The following NIPAL2 variants were observed in gnomAD, a reference collection of about 807,000 sequenced individuals.
The protein encoded by NIPAL2 is NIPA-like protein 2.
In NIPAL2, 43 loss-of-function variants were observed where a neutral mutation model predicts 48.9. The observed-to-expected ratio is 0.88, with a 90% CI of 0.69 to 1.13. The LOEUF is 1.13. NIPAL2 is among the 50% of genes most tolerant of loss of function. The pLI, the probability that NIPAL2 is intolerant of heterozygous loss-of-function variation, is 0.00. For missense variants in NIPAL2, 446 were observed against 461.4 expected, an observed-to-expected ratio of 0.97 and a Z score of 0.31; for synonymous variants, 167 against 174.6, an observed-to-expected ratio of 0.96 and a Z score of 0.34.
intron 1 of NIPAL2, among the ~76,000 whole-genome samples, chr8:98,277,508 G>A (rs1347500866): frequency 1.3e-5 from 2 of 152,052 alleles, no homozygotes; most frequent in Non-Finnish European, 2.9e-5. Context: ...TTGCACTCCA[G>A]CCTGGGCGAC....
chr8:98,193,178 A>C, intron 10 of NIPAL2, 88 bp from the exon 11 acceptor site: 3 of 1,159,350 alleles, frequency 2.6e-6, no homozygotes, highest in Non-Finnish European at 3.9e-6. Flanking sequence ...GCCACATTTT[A>C]TCACCTCTCT....
intron 4 of NIPAL2, among the ~76,000 whole-genome samples, chr8:98,224,034 A>G (rs968864814): frequency 6.6e-6 from 1 of 152,204 alleles, no homozygotes; most frequent in Non-Finnish European, 1.5e-5. Context: ...TGTCTCAGAT[A>G]CTTCTGTTTC....
Position 98,190,362 on chromosome 8 carries a change from G to A in NIPAL2, c.*2616C>T, listed in dbSNP as rs111855435. The stretch of plus-strand genomic sequence containing the variant: ...GTTTTTGAGACAGTCTTACTCTGTC[G>A]CCCAGGCTGGAGTGCAATGGCATGA... On this transcript the variant is annotated 3_prime_UTR_variant, in exon 11 of 11. Coordinates refer to ENST00000430223, the MANE Select transcript of NIPAL2 (RefSeq NM_001321635.2). The A allele has an allele frequency of 1.4e-3, 217 of 157,614 alleles. No individual in the cohort carries two copies. The highest frequency in any genetic ancestry group is 4.9e-3 in the African/African-American group (205 of 41,606). The allele number at this position is 157,614 out of a possible 1,614,324, so 9.8% of individuals were successfully genotyped here. A position where few individuals can be genotyped will look rare whatever the true frequency, so the allele number is the denominator to read the frequency against.
chr8:98,292,982 C>T (rs991717611), intron 1 of NIPAL2, among the ~76,000 whole-genome samples: 2 of 151,990 alleles, frequency 1.3e-5, no homozygotes, highest in African/African-American at 4.8e-5. Flanking sequence ...AATACTCTCC[C>T]CTCTTGAAAA....
At chr8:98,220,408 A>ATT (rs71273110) in intron 5 of NIPAL2, among the ~76,000 whole-genome samples, 1,726 of 140,836 alleles carry the variant, frequency 0.012, 32 homozygotes, top group African/African-American at 0.041. Flanking sequence ...GTGTGCTTTG[A>ATT]TTTTTTTTTT....
intron 3 of NIPAL2, among the ~76,000 whole-genome samples, chr8:98,247,236 C>G (rs1813354110): frequency 6.6e-6 from 1 of 152,278 alleles, no homozygotes. Context: ...ACGGAACATC[C>G]TATCCTTGTT....
At chr8:98,200,760 T>C (rs185909202) in intron 8 of NIPAL2, among the ~76,000 whole-genome samples, 15 of 152,338 alleles carry the variant, frequency 9.8e-5, no homozygotes, top group Admixed American at 3.3e-4. Flanking sequence ...AAAGTTCCAG[T>C]TGATCCACAT....
intron 5 of NIPAL2, among the ~76,000 whole-genome samples, chr8:98,214,735 T>C (rs1300399980): frequency 6.6e-6 from 1 of 152,200 alleles, no homozygotes; most frequent in Non-Finnish European, 1.5e-5. Context: ...CTTATCTTCC[T>C]CATTTAAAAA....
At chr8:98,291,039 CTG>C in intron 1 of NIPAL2, among the ~76,000 whole-genome samples, 1 of 152,164 alleles carries the variant, frequency 6.6e-6, no homozygotes, top group Non-Finnish European at 1.5e-5. Flanking sequence ...AGTTTGAAAA[CTG>C]AATCCTGCTA....
intron 4 of NIPAL2, among the ~76,000 whole-genome samples, chr8:98,232,340 G>C (rs1812478262): frequency 6.6e-6 from 1 of 152,250 alleles, no homozygotes; most frequent in African/African-American, 2.4e-5. Context: ...AAAGCATTAA[G>C]TTAGGTAGGA....
chr8:98,212,340 T>C, intron 6 of NIPAL2, 65 bp downstream of exon 6: 1 of 877,110 alleles, frequency 1.1e-6, no homozygotes, highest in South Asian at 1.5e-5. Context: ...AGTATTTTCC[T>C]TCAAACCTCA....
chr8:98,190,151 A>G lies in NIPAL2; in HGVS notation c.*2827T>C, dbSNP rs1243767872. On this transcript the variant is annotated 3_prime_UTR_variant, in exon 11 of 11. Coordinates refer to ENST00000430223, the MANE Select transcript of NIPAL2 (RefSeq NM_001321635.2). ...AATATCTGAAGGCAAATATCAAGCC[A>G]TGTTTCCACACTCCCAAAGTATCTC... 2.0e-5 allele frequency: 3 copies of G among 152,196 alleles called. No individual in the cohort carries two copies. The highest frequency in any genetic ancestry group is 4.4e-5 in the Non-Finnish European group (3 of 68,028). 9.4% of individuals were successfully genotyped at this position (152,196 alleles called of 1,614,324 possible).
chr8:98,285,585 G>A (rs370591423), intron 1 of NIPAL2, among the ~76,000 whole-genome samples: 1 of 152,210 alleles, frequency 6.6e-6, no homozygotes, highest in Non-Finnish European at 1.5e-5. Context: ...AGTTGAAAAT[G>A]AGAGTGAGGA....
intron 4 of NIPAL2, among the ~76,000 whole-genome samples, chr8:98,234,779 T>C (rs1812626379): frequency 6.6e-6 from 1 of 151,534 alleles, no homozygotes; most frequent in South Asian, 2.1e-4. Context: ...CTCGAACTCC[T>C]GGACTCAAGC....
Position 98,222,558 on chromosome 8 carries a change from A to C in NIPAL2, c.479T>G (p.Phe160Cys), listed in dbSNP as rs766099023. 5 of 1,614,060 alleles carry C rather than the reference A, an allele frequency of 3.1e-6. No individual in the cohort carries two copies. The highest frequency in any genetic ancestry group is 1.6e-4 in the Middle Eastern group (1 of 6,062). Residue 160 changes from phenylalanine to cysteine, a missense_variant, in exon 5 of 11, where the codon TTT (phenylalanine) becomes TGT (cysteine). Coordinates refer to ENST00000430223, the MANE Select transcript of NIPAL2 (RefSeq NM_001321635.2). Reference sequence around the variant, plus strand: ...GATTGCCTGAGTTATATTTGGAGCAAAGTTCACCAGTAAATATGTTCCTGC... The same window carrying C: ...GATTGCCTGAGTTATATTTGGAGCACAGTTCACCAGTAAATATGTTCCTGC... ...AFAGTYLLVNFAPNITQAISA... is the reference protein window; with the variant it reads ...AFAGTYLLVNCAPNITQAISA...
rs1239498515 is a variant in NIPAL2 at position 98,265,244 on chromosome 8, C to A, written c.136-11157G>T. On this transcript the variant is annotated intron_variant, in intron 1 of 10. Transcript: ENST00000430223. ...GGGCAAGGACTTCAGGTCTAAAACA[C>A]CAAAAGCAATGGCAACAAAAGCCAA... Among the ~76,000 whole-genome samples the A allele has an allele frequency of 2.5e-4, 38 of 151,630 alleles. 1 individual carries two copies. The highest frequency in any genetic ancestry group is 2.4e-3 in the Admixed American group (37 of 15,250).
chr8:98,202,288 T>C (rs909746326), intron 8 of NIPAL2, among the ~76,000 whole-genome samples: 12 of 152,122 alleles, frequency 7.9e-5, no homozygotes, highest in Admixed American at 6.5e-4. Context: ...GTGAGGGGCA[T>C]ATAGGGAAGA....
At position 98,233,272 on chromosome 8, in the gene NIPAL2, A is replaced by AT. The variant is rs1812535564; in HGVS notation, c.436+2882_436+2883insA. Reference sequence around the variant, plus strand: ...GACTCCATCTCAAAAGAAAAAAAAAAGGTGAGGAATTAGCAAAGAATCCCA... The same window carrying AT: ...GACTCCATCTCAAAAGAAAAAAAAAATGGTGAGGAATTAGCAAAGAATCCCA... On this transcript the variant is annotated intron_variant, in intron 4 of 10. Transcript: ENST00000430223. Among the ~76,000 whole-genome samples, 3 of 151,774 alleles carry AT rather than the reference A, an allele frequency of 2.0e-5. No homozygotes were observed. The South Asian group carries it at 6.2e-4, about 32-fold the overall frequency.
At chr8:98,208,838 A>G (rs562900682) in intron 6 of NIPAL2, among the ~76,000 whole-genome samples, 2 of 151,968 alleles carry the variant, frequency 1.3e-5, no homozygotes, top group South Asian at 2.1e-4. Flanking sequence ...CTCACTTGCT[A>G]TTTTCTTTTT....
Sources: allele counts gnomAD v4.1 joint callset (sites outside exome capture counted in the v4.1 genomes callset), GRCh38; gene constraint gnomAD v4.1.1; transcripts MANE v1.5; gene names NCBI Gene and HGNC (gene_info 2026-07-23, HGNC 2026-07-21).